Variants in HEMK2 observed in about 807,000 individuals in gnomAD.
The protein encoded by HEMK2 is HemK methyltransferase 2, ETF1 glutamine and histone H4 lysine, also known as methyltransferase HEMK2.
chr21:28,737,267 A>G, the HEMK2 span, among the ~76,000 whole-genome samples: 76,640 of 151,916 alleles, frequency 0.5, 20,903 homozygotes, highest in East Asian at 0.78. Context: ...TGGGACTACA[A>G]GTGTGAACCA....
At chr21:28,801,672 A>G in the HEMK2 span, among the ~76,000 whole-genome samples, 2 of 152,212 alleles carry the variant, frequency 1.3e-5, no homozygotes, top group African/African-American at 4.8e-5. Context: ...AGCAAAGGAT[A>G]TAAACAGACA....
the HEMK2 span, among the ~76,000 whole-genome samples, chr21:28,731,363 A>C: frequency 6.6e-6 from 1 of 152,164 alleles, no homozygotes; most frequent in Non-Finnish European, 1.5e-5. Context: ...TATTCTGTGT[A>C]ATAATTATAC....
At chr21:28,736,855 T>C in the HEMK2 span, among the ~76,000 whole-genome samples, 35 of 152,006 alleles carry the variant, frequency 2.3e-4, no homozygotes, top group African/African-American at 8.0e-4. Context: ...ACTGATCCAG[T>C]TGGGAAACTC....
At chr21:28,842,981 C>G in the HEMK2 span, among the ~76,000 whole-genome samples, 6 of 152,106 alleles carry the variant, frequency 3.9e-5, no homozygotes, top group African/African-American at 1.4e-4. Context: ...GGAAGATAGA[C>G]AGTTTGGTCT....
At chr21:28,639,855 T>C in the HEMK2 span, among the ~76,000 whole-genome samples, 1 of 152,192 alleles carries the variant, frequency 6.6e-6, no homozygotes, top group Non-Finnish European at 1.5e-5. Context: ...TCAAAACTTG[T>C]GCCAGTAATG....
the HEMK2 span, among the ~76,000 whole-genome samples, chr21:28,653,324 C>G: frequency 6.6e-6 from 1 of 152,136 alleles, no homozygotes; most frequent in Non-Finnish European, 1.5e-5. Context: ...ACTGCTTACT[C>G]TGGATAACAA....
the HEMK2 span, among the ~76,000 whole-genome samples, chr21:28,632,052 T>TC: frequency 2.0e-5 from 3 of 152,232 alleles, no homozygotes; most frequent in East Asian, 5.8e-4. Context: ...CCAGGACTAG[T>TC]CAGCTTGCTG....
At chr21:28,615,335 C>T in the HEMK2 span, among the ~76,000 whole-genome samples, 3 of 151,746 alleles carry the variant, frequency 2.0e-5, no homozygotes, top group Non-Finnish European at 4.4e-5. Context: ...TTCCCCTTTT[C>T]CCCCTCCTCC....
chr21:28,724,948 T>C, the HEMK2 span, among the ~76,000 whole-genome samples: 1 of 151,938 alleles, frequency 6.6e-6, no homozygotes, highest in Non-Finnish European at 1.5e-5. Context: ...TGCCGGCTAA[T>C]TTTTTGAATT....
At chr21:28,868,751 G>C in the HEMK2 span, among the ~76,000 whole-genome samples, 3 of 152,150 alleles carry the variant, frequency 2.0e-5, no homozygotes, top group Non-Finnish European at 2.9e-5. Context: ...ATTCCATGAT[G>C]CCTTATTTAT....
chr21:28,782,966 G>A, the HEMK2 span, among the ~76,000 whole-genome samples: 1 of 152,086 alleles, frequency 6.6e-6, no homozygotes, highest in South Asian at 2.1e-4. Flanking sequence ...TTTCGCAAGT[G>A]CTGGTAACAG....
chr21:28,637,294 T>G, the HEMK2 span, among the ~76,000 whole-genome samples: 1 of 152,216 alleles, frequency 6.6e-6, no homozygotes, highest in Non-Finnish European at 1.5e-5. Context: ...TTTCATTGGA[T>G]TCTTTTCTTT....
chr21:28,595,830 GC>G, the HEMK2 span, among the ~76,000 whole-genome samples: 65 of 150,530 alleles, frequency 4.3e-4, no homozygotes, highest in African/African-American at 1.4e-3. Flanking sequence ...TGTCACCCAG[GC>G]TGGAGTGCAG....
At chr21:28,715,714 C>G in the HEMK2 span, among the ~76,000 whole-genome samples, 1 of 152,104 alleles carries the variant, frequency 6.6e-6, no homozygotes, top group African/African-American at 2.4e-5. Context: ...AACTCTTTGC[C>G]AAGGCTTATG....
At chr21:28,599,847 G>C in the HEMK2 span, among the ~76,000 whole-genome samples, 1 of 152,004 alleles carries the variant, frequency 6.6e-6, no homozygotes, top group Non-Finnish European at 1.5e-5. Flanking sequence ...CAAAACAAAG[G>C]GGCTACAGAG....
the HEMK2 span, among the ~76,000 whole-genome samples, chr21:28,582,752 T>C: frequency 6.6e-6 from 1 of 152,236 alleles, no homozygotes; most frequent in Non-Finnish European, 1.5e-5. Flanking sequence ...TAAACAGTAG[T>C]AGCCAGGCTG....
At chr21:28,783,219 C>T in the HEMK2 span, among the ~76,000 whole-genome samples, 1 of 152,016 alleles carries the variant, frequency 6.6e-6, no homozygotes, top group Non-Finnish European at 1.5e-5. Flanking sequence ...GAATCTCGCT[C>T]TGTTGCCCAG....
At chr21:28,880,353 T>C in the HEMK2 span, among the ~76,000 whole-genome samples, 3 of 152,260 alleles carry the variant, frequency 2.0e-5, no homozygotes, top group Admixed American at 1.3e-4. Flanking sequence ...CATTATTTAC[T>C]GGATACTGTT....
chr21:28,582,347 G>C, the HEMK2 span, among the ~76,000 whole-genome samples: 1 of 152,092 alleles, frequency 6.6e-6, no homozygotes, highest in Non-Finnish European at 1.5e-5. Flanking sequence ...TTTTTTCTCA[G>C]ATGGTAAGCT....
Sources: allele counts gnomAD v4.1 joint callset (sites outside exome capture counted in the v4.1 genomes callset), GRCh38; gene constraint gnomAD v4.1.1; transcripts MANE v1.5; gene names NCBI Gene and HGNC (gene_info 2026-07-23, HGNC 2026-07-21).